PARK7: variants seen among roughly 807,000 people sequenced by gnomAD.
PARK7 encodes the protein Parkinson disease protein 7.
In PARK7, 14 loss-of-function variants were observed where a neutral mutation model predicts 20.5. The observed-to-expected ratio is 0.68, with a 90% confidence interval of 0.45 to 1.07. The LOEUF (loss-of-function observed/expected upper bound fraction) is 1.07, where lower values mean the gene tolerates loss of function less well. Among genes scored for constraint, PARK7 ranks in the 50% least tolerant of loss-of-function variants. The probability of loss-of-function intolerance (pLI) is 0.00; values close to 1 mark genes in which losing one functional copy is unlikely to be tolerated. For synonymous variants in PARK7, 98 were observed against 84.3 expected (o/e 1.16, Z -0.89); for missense variants, 234 against 238.1 (o/e 0.98, Z 0.11).
chr1:7,984,387 C>T lies in PARK7; in HGVS notation c.410-507C>T, dbSNP rs557610006. 6.6e-6 allele frequency among the ~76,000 whole-genome samples: 1 copy of T among 152,248 alleles called. No homozygotes were observed. Among genetic ancestry groups the T allele is most frequent in the African/African-American group, 2.4e-5 (1 of 41,540 alleles). Reference sequence around the variant, plus strand: ...GCGGGGATGCGGAAGGAAAGTAGTCCTTGAGAGGGAATGTGGTTTCTACCT... The same window carrying T: ...GCGGGGATGCGGAAGGAAAGTAGTCTTTGAGAGGGAATGTGGTTTCTACCT... On this transcript the variant is annotated intron_variant, in intron 6 of 6. Coordinates refer to ENST00000338639, the MANE Select transcript of PARK7 (RefSeq NM_007262.5). The surrounding 1 kb of genome is among the most constrained non-coding windows in gnomAD (Gnocchi z 4.3).
At chr1:7,970,863 CTT>C (rs1243542220) in intron 4 of PARK7, 29 bp from the exon 5 acceptor site, 3 of 1,611,312 alleles carry the variant, frequency 1.9e-6, no homozygotes, top group Non-Finnish European at 1.7e-6. Flanking sequence ...TTAATGATAA[CTT>C]TATGTATTTT....
At chr1:7,969,609 C>T (rs570508584) in intron 4 of PARK7, among the ~76,000 whole-genome samples, 3 of 149,952 alleles carry the variant, frequency 2.0e-5, no homozygotes, top group Non-Finnish European at 4.4e-5. Flanking sequence ...GAGACAGAGT[C>T]TTGCTCTGTG....
chr1:7,985,488 T>TA lies in PARK7; in HGVS notation c.*440dup, dbSNP rs1640800503. The TA allele has an allele frequency of 3.8e-6, 1 of 261,180 alleles. No homozygotes were observed. Among genetic ancestry groups the TA allele is most frequent in the Non-Finnish European group, 7.5e-6 (1 of 132,752 alleles). 16.2% of individuals were successfully genotyped at this position (261,180 alleles called of 1,614,324 possible). On this transcript the variant is annotated 3_prime_UTR_variant, in exon 7 of 7. Transcript: ENST00000338639. ...TAGCTGTGTGTTTTTAATGTGCTAT[T>TA]AAAAAATACCAATGAGGGCTGGGTG...
chr1:7,965,786 A>G (rs976643841), intron 3 of PARK7, among the ~76,000 whole-genome samples: 1 of 152,070 alleles, frequency 6.6e-6, no homozygotes, highest in African/African-American at 2.4e-5. Flanking sequence ...ACATAAATCA[A>G]CTGCCACATT....
chr1:7,967,340 G>T (rs562316424), intron 3 of PARK7, among the ~76,000 whole-genome samples: 1 of 152,044 alleles, frequency 6.6e-6, no homozygotes, highest in Non-Finnish European at 1.5e-5. Flanking sequence ...GGTTGATTTC[G>T]TATGTTGGCT....
At chr1:7,966,846 A>C (rs1327690384) in intron 3 of PARK7, among the ~76,000 whole-genome samples, 2 of 152,144 alleles carry the variant, frequency 1.3e-5, no homozygotes, top group African/African-American at 4.8e-5. Context: ...GGGATTTGTG[A>C]TGTTTCCATG....
At chr1:7,976,756 T>C (rs570885792) in intron 5 of PARK7, among the ~76,000 whole-genome samples, 1 of 152,346 alleles carries the variant, frequency 6.6e-6, no homozygotes, top group African/African-American at 2.4e-5. Flanking sequence ...AGTCTCGCTC[T>C]GTCGCCCAGG....
rs760034090 is a variant in PARK7, at chr1:7,975,134, G to A, written c.323-2518G>A. 3.9e-5 allele frequency among the ~76,000 whole-genome samples: 6 copies of A among 152,236 alleles called. No individual in the cohort carries two copies. In the South Asian group the frequency reaches 8.3e-4, roughly 21 times the overall value. On this transcript the variant is annotated intron_variant, in intron 5 of 6. Coordinates refer to ENST00000338639, the MANE Select transcript of PARK7 (RefSeq NM_007262.5). ...CTCCCAAAGTGCTAGGATTACAGGCGTGAGCCACCGCACCCAGCCAAGATT... is the reference window on the plus strand; with the variant it reads ...CTCCCAAAGTGCTAGGATTACAGGCATGAGCCACCGCACCCAGCCAAGATT...
In PARK7 at chr1:7,977,784, G is replaced by A. The variant is rs1460532477; in HGVS notation, c.409+46G>A. The A allele has an allele frequency of 4.5e-6, 7 of 1,544,944 alleles. No homozygotes were observed. The Admixed American group carries it at 8.4e-5, about 18-fold the overall frequency. On this transcript the variant is annotated intron_variant, in intron 6 of 6. Coordinates refer to ENST00000338639, the MANE Select transcript of PARK7 (RefSeq NM_007262.5). ...GTTTGTTTGTTTGTTTTTTGAGATG[G>A]AGTCTCGCTCCATCGCCCAGGCTGG...
chr1:7,961,850 GGTGCTGGACGGTGTCCCT>G lies in PARK7; in HGVS notation c.-24+75_-24+92del, dbSNP rs200968609. The G allele has an allele frequency of 0.14, 21,186 of 152,158 alleles. 1,911 individuals are homozygous for G. Among genetic ancestry groups the G allele is most frequent in the Non-Finnish European group, 0.19 (12,634 of 68,102 alleles). The allele number at this position is 152,158 out of a possible 1,614,324, so 9.4% of individuals were successfully genotyped here. A position where few individuals can be genotyped will look rare whatever the true frequency, so the allele number is the denominator to read the frequency against. The stretch of plus-strand genomic sequence containing the variant: ...GGGCCGTGGCGCTGGGCGGCGTGGG[GGTGCTGGACGGTGTCCCT>G]GTGCTGGACGGTGTCCCGCTGGCTC... On this transcript the variant is annotated intron_variant, in intron 1 of 6. Transcript: ENST00000338639.
At chr1:7,967,423 T>G (rs191760017) in intron 3 of PARK7, among the ~76,000 whole-genome samples, 1 of 152,354 alleles carries the variant, frequency 6.6e-6, no homozygotes, top group East Asian at 1.9e-4. Context: ...TTCCATTGGA[T>G]ACATGCCAAG....
In PARK7 at chr1:7,980,481, T is replaced by C. The variant is rs1476512093; in HGVS notation, c.409+2743T>C. Among the ~76,000 whole-genome samples, 3 of 152,188 alleles carry C rather than the reference T, an allele frequency of 2.0e-5. No individual in the cohort carries two copies. The East Asian group carries it at 5.8e-4, about 29-fold the overall frequency. On this transcript the variant is annotated intron_variant, in intron 6 of 6. Coordinates refer to ENST00000338639, the MANE Select transcript of PARK7 (RefSeq NM_007262.5). ...ACAAAGCACGTTCCCGTACGTTATC[T>C]TGGTGGAGCTTCCTGGTCCCCAGTG...
At chr1:7,963,479 G>C (rs1640256597) in intron 2 of PARK7, among the ~76,000 whole-genome samples, 2 of 151,584 alleles carry the variant, frequency 1.3e-5, no homozygotes, top group Non-Finnish European at 2.9e-5. Context: ...TGCCTCCCGG[G>C]TTCAAGAGAT....
chr1:7,971,635 A>T (rs970047527), intron 5 of PARK7: 1 of 153,744 alleles, frequency 6.5e-6, no homozygotes, highest in Non-Finnish European at 1.4e-5. Context: ...ATAGGTCTTC[A>T]TTAAATATTT....
At chr1:7,983,034 TCTC>T (rs1640743530) in intron 6 of PARK7, 1 of 152,206 alleles carries the variant, frequency 6.6e-6, no homozygotes, top group Non-Finnish European at 1.5e-5. Context: ...CCATTGTTAA[TCTC>T]CTTGGAAAAG....
chr1:7,969,658 G>T (rs1578095578), intron 4 of PARK7, among the ~76,000 whole-genome samples: 1 of 151,706 alleles, frequency 6.6e-6, no homozygotes, highest in East Asian at 1.9e-4. Flanking sequence ...TCGGCTCACT[G>T]CAATCTCCGC....
intron 5 of PARK7, 152 bp from the exon 6 acceptor site, chr1:7,977,500 A>G (rs925105156): frequency 2.6e-5 from 17 of 656,992 alleles, no homozygotes; most frequent in African/African-American, 3.6e-5. Context: ...GCCCAGGCTG[A>G]TGTTGAATTC....
intron 3 of PARK7, chr1:7,969,038 A>T: frequency 3.6e-6 from 1 of 277,248 alleles, no homozygotes; most frequent in South Asian, 5.3e-5. Context: ...TTGTACACAT[A>T]CACGCATACA....
At chr1:7,972,757 A>G (rs1188296256) in intron 5 of PARK7, among the ~76,000 whole-genome samples, 1 of 151,972 alleles carries the variant, frequency 6.6e-6, no homozygotes, top group Non-Finnish European at 1.5e-5. Flanking sequence ...TACAAAAGTT[A>G]GCTGGGCATG....
Sources: allele counts gnomAD v4.1 joint callset (sites outside exome capture counted in the v4.1 genomes callset), GRCh38; gene constraint gnomAD v4.1.1; non-coding constraint Gnocchi (gnomAD v3.1); transcripts MANE v1.5; gene names NCBI Gene and HGNC (gene_info 2026-07-23, HGNC 2026-07-21).